Variants in PRKN observed in about 807,000 individuals in gnomAD.
PRKN encodes the protein E3 ubiquitin-protein ligase parkin.
Under a neutral mutation model 59.5 loss-of-function variants are expected in PRKN, and 56 were observed. The ratio of observed to expected loss-of-function variants is 0.94; its 90% confidence interval spans 0.76 to 1.18. The LOEUF is 1.18. Ranked by LOEUF, PRKN falls within the 50% of genes most tolerant of loss-of-function variation. The pLI is 0.00. For synonymous variants in PRKN, 250 were observed against 222.1 expected (o/e 1.13, Z -1.12); for missense variants, 657 against 596.4 (o/e 1.10, Z -1.06).
chr6:162,141,706 G>A (rs907267327), intron 4 of PRKN, among the ~76,000 whole-genome samples: 2 of 152,154 alleles, frequency 1.3e-5, no homozygotes, highest in Non-Finnish European at 2.9e-5. Flanking sequence ...CTGCTATATA[G>A]TATACTTTGC....
At chr6:162,419,978 G>C (rs759469065) in intron 2 of PRKN, among the ~76,000 whole-genome samples, 1 of 152,134 alleles carries the variant, frequency 6.6e-6, no homozygotes, top group African/African-American at 2.4e-5. Flanking sequence ...GACTGGTTTC[G>C]TGGGAGACAG....
chr6:161,881,582 A>G (rs1393625985), intron 6 of PRKN, among the ~76,000 whole-genome samples: 10 of 152,118 alleles, frequency 6.6e-5, no homozygotes, highest in Non-Finnish European at 1.0e-4. Flanking sequence ...AAATACGTAC[A>G]ATCCCCATGG....
At position 161,552,578 on chromosome 6, in the gene PRKN, A is replaced by G. The variant is rs1227725953; in HGVS notation, c.934-3575T>C. On this transcript the variant is annotated intron_variant, in intron 8 of 11. Transcript: ENST00000366898. This position sits in a 1 kb window ranked among gnomAD's most constrained non-coding sequence, Gnocchi z 4.9. ...CCTGTCCAAATCCTTCCACATTGAA[A>G]AAAAACAAAAACAAAAAACAAAAAA... is the stretch of plus-strand genomic sequence containing the variant. Among the ~76,000 whole-genome samples the G allele has an allele frequency of 6.8e-6, 1 of 147,420 alleles. No homozygotes were observed. Among genetic ancestry groups the G allele is most frequent in the East Asian group, 2.0e-4 (1 of 5,114 alleles).
At chr6:162,097,447 A>G (rs1370678736) in intron 4 of PRKN, among the ~76,000 whole-genome samples, 2 of 152,204 alleles carry the variant, frequency 1.3e-5, no homozygotes, top group African/African-American at 4.8e-5. Context: ...TAATTTTCCC[A>G]AATACATACA....
intron 2 of PRKN, among the ~76,000 whole-genome samples, chr6:162,376,791 G>GAGGCAGA (rs1491419993): frequency 1.8e-4 from 15 of 84,984 alleles, no homozygotes; most frequent in Admixed American, 6.1e-4. Context: ...GGGAGGGGAG[G>GAGGCAGA]AGGAGAGAGA....
chr6:162,400,457 C>CAAAAAAAAAAAAAA (rs3081908), intron 2 of PRKN, among the ~76,000 whole-genome samples: 3 of 98,662 alleles, frequency 3.0e-5, no homozygotes, highest in Admixed American at 1.2e-4. Flanking sequence ...ATGTAAATAT[C>CAAAAAAAAAAAAAA]AAAAAAAAAA....
intron 5 of PRKN, among the ~76,000 whole-genome samples, chr6:162,052,660 G>T (rs114292213): frequency 1.3e-5 from 2 of 152,062 alleles, no homozygotes; most frequent in Non-Finnish European, 2.9e-5. Context: ...TTTCTGTGCC[G>T]CACAGGAAGA....
At position 161,534,987 on chromosome 6, in the gene PRKN, G is replaced by A. The variant is rs528877422; in HGVS notation, c.1083+13867C>T. 9.2e-5 allele frequency among the ~76,000 whole-genome samples: 14 copies of A among 152,316 alleles called. No homozygotes were observed. The South Asian group carries it at 1.9e-3, about 20-fold the overall frequency. ...GCTGATATTACTTCAAGTGCTACGT[G>A]AAATACCACATTCAATTTGTAACTC... On this transcript the variant is annotated intron_variant, in intron 9 of 11. Coordinates refer to ENST00000366898, the MANE Select transcript of PRKN (RefSeq NM_004562.3).
intron 4 of PRKN, among the ~76,000 whole-genome samples, chr6:162,120,746 C>T (rs965314305): frequency 1.3e-5 from 2 of 152,160 alleles, no homozygotes; most frequent in African/African-American, 2.4e-5. Context: ...AGCCAGGAGG[C>T]TTCTAAAATA....
chr6:161,610,744 C>CT (rs1782458502), intron 7 of PRKN, among the ~76,000 whole-genome samples: 1 of 152,002 alleles, frequency 6.6e-6, no homozygotes, highest in South Asian at 2.1e-4. Context: ...AGGCTATCAG[C>CT]TGTGCACAGT....
intron 4 of PRKN, among the ~76,000 whole-genome samples, chr6:162,117,533 A>G (rs1278043200): frequency 6.6e-6 from 1 of 152,232 alleles, no homozygotes; most frequent in Non-Finnish European, 1.5e-5. Flanking sequence ...GGGAAGGTAC[A>G]GACCATGTCC....
intron 6 of PRKN, among the ~76,000 whole-genome samples, chr6:161,818,704 G>C (rs1490103944): frequency 6.6e-6 from 1 of 152,110 alleles, no homozygotes; most frequent in East Asian, 1.9e-4. Context: ...CATTTTCACA[G>C]AAGGCAGTAA....
intron 1 of PRKN, among the ~76,000 whole-genome samples, chr6:162,717,733 T>C (rs952682724): frequency 6.6e-6 from 1 of 152,152 alleles, no homozygotes; most frequent in South Asian, 2.1e-4. Flanking sequence ...GTGTATAATA[T>C]TAAAGAAAGT....
At chr6:162,696,305 C>T (rs898911927) in intron 1 of PRKN, among the ~76,000 whole-genome samples, 1 of 152,044 alleles carries the variant, frequency 6.6e-6, no homozygotes, top group Non-Finnish European at 1.5e-5. Context: ...TGATGTGCTT[C>T]CCCCTGCCTG....
Position 162,525,600 on chromosome 6 carries a change from A to G in PRKN, c.8-82127T>C, listed in dbSNP as rs1348517061. 1.3e-5 allele frequency among the ~76,000 whole-genome samples: 2 copies of G among 152,098 alleles called. 1 individual carries two copies. The highest frequency in any genetic ancestry group is 2.9e-5 in the Non-Finnish European group (2 of 68,004). ...TCTCCTTAGCACTTATGGCCAATAC[A>G]CTATTTAACGACTGTGTGTTCTCTT... On this transcript the variant is annotated intron_variant, in intron 1 of 11. Transcript: ENST00000366898.
At chr6:162,253,371 C>T (rs1467714394) in intron 3 of PRKN, among the ~76,000 whole-genome samples, 1 of 152,084 alleles carries the variant, frequency 6.6e-6, no homozygotes, top group African/African-American at 2.4e-5. Context: ...ACTGCTGTTG[C>T]TTGTCACTGA....
rs1784797345 is a variant in PRKN, at chr6:162,355,169, T to C, written c.171+88141A>G. On this transcript the variant is annotated intron_variant, in intron 2 of 11. Transcript: ENST00000366898. ...AATAATATATAGTTTCATGTTATATTGATAATAGAGAAATTGGACTTTATT... is the reference window on the plus strand; with the variant it reads ...AATAATATATAGTTTCATGTTATATCGATAATAGAGAAATTGGACTTTATT... Among the ~76,000 whole-genome samples the C allele has an allele frequency of 2.0e-5, 3 of 151,720 alleles. No homozygotes were observed. In the South Asian group the frequency reaches 6.2e-4, roughly 31 times the overall value.
At chr6:161,540,346 G>T (rs139121006) in intron 9 of PRKN, among the ~76,000 whole-genome samples, 1 of 151,740 alleles carries the variant, frequency 6.6e-6, no homozygotes, top group Non-Finnish European at 1.5e-5. Context: ...ATTAACCCTT[G>T]GAAGAAGAGT....
At chr6:161,609,263 TA>T (rs1218283819) in intron 7 of PRKN, among the ~76,000 whole-genome samples, 5 of 152,178 alleles carry the variant, frequency 3.3e-5, no homozygotes, top group African/African-American at 1.2e-4. Context: ...GGGGGATAAA[TA>T]ATGAAAAAGT....
Sources: gnomAD v4.1 joint callset for allele counts (sites outside exome capture counted in the v4.1 genomes callset) on GRCh38, gnomAD v4.1.1 for gene constraint, Gnocchi (gnomAD v3.1) non-coding constraint, MANE v1.5 for transcripts, NCBI Gene and HGNC (gene_info 2026-07-23, HGNC 2026-07-21) for gene names.